Variants in ZNF19 observed in about 807,000 individuals in gnomAD.
The protein encoded by ZNF19 is zinc finger protein 19.
ZNF19 carries 11 observed loss-of-function variants against 13.1 expected under a neutral mutation model. The ratio of observed to expected loss-of-function variants is 0.84; its 90% CI spans 0.53 to 1.39. The LOEUF is 1.39. Ranked by LOEUF, ZNF19 falls within the 40% of genes most tolerant of loss-of-function variation. ZNF19 has a pLI of 0.00. For synonymous variants in ZNF19, 186 were observed against 187.0 expected (o/e 0.99, Z 0.04); for missense variants, 560 against 547.0 (o/e 1.02, Z -0.24).
chr16:71,484,868 A>G, intron 1 of ZNF19, 120 bp from the exon 2 acceptor site: 1 of 300,982 alleles, frequency 3.3e-6, no homozygotes, highest in South Asian at 1.3e-4. Context: ...TGTCACCGAT[A>G]GAAATCACAG....
intron 1 of ZNF19, among the ~76,000 whole-genome samples, chr16:71,488,603 C>T (rs1040963323): frequency 2.0e-5 from 3 of 151,900 alleles, no homozygotes; most frequent in Admixed American, 6.6e-5. Context: ...GTTTGAGACC[C>T]GTCTGACCAA....
At position 71,478,938 on chromosome 16, in the gene ZNF19, G is replaced by A. The variant is rs17857322; in HGVS notation, c.101C>T (p.Ala34Val). 2 of 1,614,210 alleles carry A rather than the reference G, an allele frequency of 1.2e-6. No individual in the cohort carries two copies. The highest frequency in any genetic ancestry group is 1.7e-6 in the Non-Finnish European group (2 of 1,180,044). The change falls in exon 4 of 6, where the codon GCC becomes GTC. Residue 34 changes from alanine to valine, a missense_variant. Physicochemically the swap from Ala to Val is moderately conservative, Grantham distance 64. Coordinates refer to ENST00000288177, the MANE Select transcript of ZNF19 (RefSeq NM_006961.4). ...TKTEWTGLSP[A>V]QRALYRSVML... Reference sequence around the variant, plus strand: ...CACACTTCTGTACAGGGCCCTCTGGGCAGGAGAAAGGCCAGTCCATTCTGT... The same window carrying A: ...CACACTTCTGTACAGGGCCCTCTGGACAGGAGAAAGGCCAGTCCATTCTGT...
chr16:71,488,046 G>C (rs1012913504), intron 1 of ZNF19, among the ~76,000 whole-genome samples: 1 of 152,124 alleles, frequency 6.6e-6, no homozygotes, highest in Non-Finnish European at 1.5e-5. Context: ...CTTAGCAAGA[G>C]CAAGGCCAGA....
chr16:71,481,299 G>A (rs2043635723), intron 3 of ZNF19, among the ~76,000 whole-genome samples: 1 of 152,310 alleles, frequency 6.6e-6, no homozygotes, highest in South Asian at 2.1e-4. Flanking sequence ...TATGATTTGG[G>A]ATATGGTTCA....
In ZNF19 at chr16:71,475,414, A is replaced by T. The variant is rs771391399; in HGVS notation, c.1133T>A (p.Ile378Asn). 7 of 1,614,074 alleles carry T rather than the reference A, an allele frequency of 4.3e-6. No homozygotes were observed. Among genetic ancestry groups the T allele is most frequent in the Non-Finnish European group, 5.9e-6 (7 of 1,180,036 alleles). The stretch of plus-strand genomic sequence containing the variant: ...TACATAGGAAGACTCCTGAGTATGA[A>T]TTCTCAGATGCCTTTTTAATTGTTC... ...AQEQLKRHLRIHTQESSYVCD... is the reference protein window; with the variant it reads ...AQEQLKRHLRNHTQESSYVCD... Residue 378 changes from isoleucine to asparagine, a missense_variant, in exon 6 of 6, where the codon ATT becomes AAT. Coordinates refer to ENST00000288177, the MANE Select transcript of ZNF19 (RefSeq NM_006961.4).
chr16:71,480,100 C>A (rs1471847282), intron 3 of ZNF19, among the ~76,000 whole-genome samples: 1 of 152,128 alleles, frequency 6.6e-6, no homozygotes, highest in Non-Finnish European at 1.5e-5. Context: ...GCCCCTCATG[C>A]TTTTTCAACA....
intron 3 of ZNF19, among the ~76,000 whole-genome samples, chr16:71,479,762 T>C (rs8054498): frequency 0.038 from 5,842 of 152,148 alleles, 368 homozygotes; most frequent in African/African-American, 0.13. Context: ...TTGGGTTTTT[T>C]TTTCTTTCTT....
chr16:71,480,069 G>A (rs1450090030), intron 3 of ZNF19, among the ~76,000 whole-genome samples: 3 of 152,094 alleles, frequency 2.0e-5, no homozygotes, highest in South Asian at 2.1e-4. Flanking sequence ...CTGGGATTAC[G>A]GGAATGAGCC....
chr16:71,484,306 A>G (rs577182390), intron 2 of ZNF19, among the ~76,000 whole-genome samples: 3 of 152,376 alleles, frequency 2.0e-5, no homozygotes, highest in South Asian at 2.1e-4. Flanking sequence ...CTGTGGCCCA[A>G]TGAGCAGATG....
Position 71,474,072 on chromosome 16 carries a change from G to A in ZNF19, c.*1098C>T, listed in dbSNP as rs2043583740. ...AAGCAATTAAGTCTGGAATTGGGTA[G>A]GGAGATTCCAACACTGGCTGGCAGC... is the stretch of plus-strand genomic sequence containing the variant. On this transcript the variant is annotated 3_prime_UTR_variant, in exon 6 of 6. Coordinates refer to ENST00000288177, the MANE Select transcript of ZNF19 (RefSeq NM_006961.4). 6.6e-6 allele frequency: 1 copy of A among 152,220 alleles called. No homozygotes were observed. The highest frequency in any genetic ancestry group is 1.5e-5 in the Non-Finnish European group (1 of 68,044). 9.4% of individuals were successfully genotyped at this position (152,220 alleles called of 1,614,324 possible). A position where few individuals can be genotyped will look rare whatever the true frequency, so the allele number is the denominator to read the frequency against.
chr16:71,479,268 A>G, intron 3 of ZNF19, among the ~76,000 whole-genome samples: 1 of 152,196 alleles, frequency 6.6e-6, no homozygotes, highest in East Asian at 1.9e-4. Context: ...AAACCCTAGG[A>G]AAAAAAGTCT....
chr16:71,475,891 C>T lies in ZNF19; in HGVS notation c.656G>A (p.Cys219Tyr), dbSNP rs2043598829. The change falls in exon 6 of 6, where the codon TGT (cysteine) becomes TAT (tyrosine). Residue 219 changes from cysteine to tyrosine, a missense_variant. Transcript: ENST00000288177. ...ATTAAAGGCTCGCCCACACTCCTCA[C>T]ACTGATAGGGTCTCTCTCCAGTGTG... The part of the protein sequence containing the change: ...RIHTGERPYQ[C>Y]EECGRAFNDN... 6.2e-7 allele frequency: 1 copy of T among 1,613,520 alleles called. No individual in the cohort carries two copies. The highest frequency in any genetic ancestry group is 1.3e-5 in the African/African-American group (1 of 74,990).
Position 71,473,875 on chromosome 16 carries a change from G to A in ZNF19, c.*1295C>T, listed in dbSNP as rs908028108. ...TGGGATTACAAGTGTGAGCCACCGC[G>A]CCTGGCTGACTCATGCATTTTTATG... On this transcript the variant is annotated 3_prime_UTR_variant, in exon 6 of 6. Coordinates refer to ENST00000288177, the MANE Select transcript of ZNF19 (RefSeq NM_006961.4). 1 of 152,190 alleles carries A rather than the reference G, an allele frequency of 6.6e-6. No individual in the cohort carries two copies. Among genetic ancestry groups the A allele is most frequent in the Admixed American group, 6.5e-5 (1 of 15,290 alleles). The allele number at this position is 152,190 out of a possible 1,614,324, so 9.4% of individuals were successfully genotyped here.
chr16:71,488,368 AAAAAAG>A lies in ZNF19; in HGVS notation c.-190+898_-190+903del, dbSNP rs556350163. On this transcript the variant is annotated intron_variant, in intron 1 of 5. Transcript: ENST00000288177. ...GAACGAGACTATCTCAAAAAAAAAAAAAAAAGAAAAAGAAAAAGAAATGAAATGAAA... is the reference window on the plus strand; with the variant it reads ...GAACGAGACTATCTCAAAAAAAAAAAAAAAAGAAAAAGAAATGAAATGAAA... Among the ~76,000 whole-genome samples, 524 of 149,644 alleles carry A rather than the reference AAAAAAG, an allele frequency of 3.5e-3. 1 individual carries two copies. Among genetic ancestry groups the A allele is most frequent in the Middle Eastern group, 0.01 (3 of 290 alleles).
intron 2 of ZNF19, among the ~76,000 whole-genome samples, chr16:71,483,062 G>A (rs894415975): frequency 6.6e-6 from 1 of 152,158 alleles, no homozygotes. Flanking sequence ...TTTTAGAACT[G>A]GCAAAATGAT....
chr16:71,480,075 G>A (rs774907289), intron 3 of ZNF19, among the ~76,000 whole-genome samples: 3 of 152,094 alleles, frequency 2.0e-5, no homozygotes, highest in Non-Finnish European at 4.4e-5. Context: ...TTACGGGAAT[G>A]AGCCACCATG....
intron 3 of ZNF19, among the ~76,000 whole-genome samples, chr16:71,479,382 C>A (rs2043623157): frequency 6.6e-6 from 1 of 152,202 alleles, no homozygotes; most frequent in Non-Finnish European, 1.5e-5. Flanking sequence ...CAAATGGTAT[C>A]TCAGGACCCA....
At chr16:71,479,990 G>T (rs2043627509) in intron 3 of ZNF19, among the ~76,000 whole-genome samples, 1 of 151,856 alleles carries the variant, frequency 6.6e-6, no homozygotes, top group Non-Finnish European at 1.5e-5. Flanking sequence ...ACAAGGTTTT[G>T]CCACGTTCCC....
chr16:71,473,974 A>G lies in ZNF19; in HGVS notation c.*1196T>C, dbSNP rs555195416. 1 of 152,348 alleles carries G rather than the reference A, an allele frequency of 6.6e-6. No individual in the cohort carries two copies. Among genetic ancestry groups the G allele is most frequent in the Admixed American group, 6.5e-5 (1 of 15,294 alleles). 9.4% of individuals were successfully genotyped at this position (152,348 alleles called of 1,614,324 possible). A position where few individuals can be genotyped will look rare whatever the true frequency, so the allele number is the denominator to read the frequency against. ...ATCATTCATTGGTCAACCCAAGCAC[A>G]TGATACAACTGCTCATTCATCTGCT... On this transcript the variant is annotated 3_prime_UTR_variant, in exon 6 of 6. Transcript: ENST00000288177.
Sources: gnomAD v4.1 joint callset for allele counts (sites outside exome capture counted in the v4.1 genomes callset) on GRCh38, gnomAD v4.1.1 for gene constraint, MANE v1.5 for transcripts, NCBI Gene and HGNC (gene_info 2026-07-23, HGNC 2026-07-21) for gene names.